Variants in NEK1 observed in about 807,000 individuals in gnomAD.
NEK1 encodes the protein NIMA related kinase 1.
Under a neutral mutation model 182.1 loss-of-function variants are expected in NEK1, and 137 were observed. That is an observed-to-expected ratio of 0.75 (90% CI 0.65 to 0.87). NEK1 has a LOEUF of 0.87. NEK1 is among the 40% of genes least tolerant of loss of function. The pLI is 0.00. For synonymous variants in NEK1, 513 were observed against 492.2 expected, an observed-to-expected ratio of 1.04 and a Z score of -0.56; for missense variants, 1,391 against 1,494.4, an observed-to-expected ratio of 0.93 and a Z score of 1.14.
intron 11 of NEK1, among the ~76,000 whole-genome samples, chr4:169,580,348 A>G (rs1286358905): frequency 6.6e-6 from 1 of 151,976 alleles, no homozygotes; most frequent in African/African-American, 2.4e-5. Context: ...AATACAAAAA[A>G]TTAGCTGGGC....
chr4:169,587,778 C>A (rs1364185672), intron 8 of NEK1, among the ~76,000 whole-genome samples, 165 bp from the exon 9 acceptor site: 1 of 151,806 alleles, frequency 6.6e-6, no homozygotes, highest in African/African-American at 2.4e-5. Flanking sequence ...GTAGCTGTCC[C>A]AGATTGGAAA....
intron 27 of NEK1, among the ~76,000 whole-genome samples, chr4:169,453,019 C>T (rs1411770400): frequency 6.6e-6 from 1 of 152,164 alleles, no homozygotes; most frequent in Admixed American, 6.5e-5. Context: ...ACACCATTAA[C>T]AGACACACAC....
chr4:169,409,207 C>G (rs185750440), intron 31 of NEK1, among the ~76,000 whole-genome samples: 1 of 151,934 alleles, frequency 6.6e-6, no homozygotes, highest in African/African-American at 2.4e-5. Flanking sequence ...TGCAGTGGCG[C>G]GATCTCGGCT....
intron 16 of NEK1, among the ~76,000 whole-genome samples, chr4:169,556,401 TCCAATATACA>T (rs1325890431): frequency 1.3e-5 from 2 of 152,256 alleles, no homozygotes; most frequent in East Asian, 3.9e-4. Context: ...GAAACAAGCT[TCCAATATACA>T]TTTCATGTAA....
chr4:169,569,496 A>G (rs1198249589), intron 12 of NEK1, among the ~76,000 whole-genome samples: 16 of 61,956 alleles, frequency 2.6e-4, no homozygotes, highest in African/African-American at 1.1e-3. Context: ...CCCTCTCCCC[A>G]TGGTCTCCCT....
chr4:169,437,437 G>C (rs1738622886), intron 28 of NEK1, among the ~76,000 whole-genome samples: 2 of 152,144 alleles, frequency 1.3e-5, no homozygotes, highest in African/African-American at 4.8e-5. Context: ...GGCAGATTTA[G>C]GACAGATGCA....
chr4:169,572,306 A>C (rs1292125547), intron 12 of NEK1, among the ~76,000 whole-genome samples: 1 of 152,232 alleles, frequency 6.6e-6, no homozygotes, highest in Non-Finnish European at 1.5e-5. Context: ...AATTGACAGG[A>C]TATGACGTAG....
At chr4:169,593,011 A>C (rs949731849) in intron 5 of NEK1, among the ~76,000 whole-genome samples, 5 of 152,218 alleles carry the variant, frequency 3.3e-5, no homozygotes, top group African/African-American at 9.6e-5. Context: ...GAAATGGAAC[A>C]CATCTTAGAA....
chr4:169,456,432 T>C (rs895520031), intron 27 of NEK1, among the ~76,000 whole-genome samples: 2 of 152,100 alleles, frequency 1.3e-5, no homozygotes, highest in Admixed American at 6.6e-5. Flanking sequence ...AGTTGGCTTT[T>C]TGAAAAGATG....
intron 23 of NEK1, among the ~76,000 whole-genome samples, chr4:169,497,298 CTTCT>C (rs1283240937): frequency 6.6e-6 from 1 of 151,928 alleles, no homozygotes; most frequent in East Asian, 1.9e-4. Flanking sequence ...TCTCTCTTTT[CTTCT>C]TTATTAGTCT....
At chr4:169,604,760 T>A (rs902961721) in intron 2 of NEK1, among the ~76,000 whole-genome samples, 2 of 152,198 alleles carry the variant, frequency 1.3e-5, no homozygotes, top group Non-Finnish European at 2.9e-5. Flanking sequence ...GTAGCACTGA[T>A]GAGATAAGTA....
At position 169,561,865 on chromosome 4, in the gene NEK1, T is replaced by C. The variant is rs1284969135; in HGVS notation, c.1107A>G (p.Glu369=). ...TTTGTTTCTTTTCTTTTTCAATAAA[T>C]TCCAGCCTTCTCTTTCTTGCTGCTT... ...SEEAARKRRL[E]FIEKEKKQKD... is the part of the protein sequence containing the mutation. Residue 369 remains glutamate, a synonymous_variant, in exon 14 of 36, where the codon GAA becomes GAG. Coordinates refer to ENST00000507142, the MANE Select transcript of NEK1 (RefSeq NM_001199397.3). 2.5e-6 allele frequency: 4 copies of C among 1,609,224 alleles called. No individual in the cohort carries two copies. Among genetic ancestry groups the C allele is most frequent in the Middle Eastern group, 1.7e-4 (1 of 6,026 alleles).
chr4:169,553,391 T>C (rs1761706611), intron 18 of NEK1, among the ~76,000 whole-genome samples: 1 of 151,974 alleles, frequency 6.6e-6, no homozygotes, highest in Admixed American at 6.6e-5. Flanking sequence ...GATAAAACAT[T>C]AAACTATAAA....
chr4:169,574,477 TAGTCCCAC>T (rs1012795662), intron 12 of NEK1, among the ~76,000 whole-genome samples: 1 of 151,956 alleles, frequency 6.6e-6, no homozygotes. Context: ...CGGGCGCCTG[TAGTCCCAC>T]AGTCCCAGCT....
chr4:169,479,489 C>T lies in NEK1; in HGVS notation c.2053G>A (p.Gly685Arg), dbSNP rs866331832. The T allele has an allele frequency of 8.7e-6, 14 of 1,610,766 alleles. No individual in the cohort carries two copies. The African/African-American group carries it at 1.6e-4, about 18-fold the overall frequency. ...VKSSDVSPPLGQHETGGSPSK... is the reference protein window; with the variant it reads ...VKSSDVSPPLRQHETGGSPSK... ...GGAGAGCCACCTGTTTCATGCTGTC[C>T]CAAAGGTGGAGAAACATCAGAACTC... The change falls in exon 24 of 36, where the codon GGA (glycine) becomes AGA (arginine). Residue 685 changes from glycine to arginine, a missense_variant. By Grantham distance (125) the Gly-to-Arg change is moderately radical (BLOSUM62 -2). Coordinates refer to ENST00000507142, the MANE Select transcript of NEK1 (RefSeq NM_001199397.3).
intron 23 of NEK1, among the ~76,000 whole-genome samples, chr4:169,498,474 T>C (rs1751786367): frequency 6.6e-6 from 1 of 152,226 alleles, no homozygotes; most frequent in Non-Finnish European, 1.5e-5. Context: ...TTTTGCTCAT[T>C]AGTTGATGCA....
At chr4:169,420,330 C>T (rs768322896) in intron 31 of NEK1, among the ~76,000 whole-genome samples, 21 of 152,258 alleles carry the variant, frequency 1.4e-4, no homozygotes, top group Non-Finnish European at 2.4e-4. Flanking sequence ...TCTTTTAATA[C>T]GTAGAACACT....
chr4:169,561,796 C>G (rs1028962179), intron 14 of NEK1, 36 bp downstream of exon 14: 2 of 1,603,534 alleles, frequency 1.2e-6, no homozygotes, highest in African/African-American at 2.7e-5. Context: ...CACTTAACAA[C>G]TTGCCAAAGG....
At chr4:169,483,873 A>C (rs1748566283) in intron 23 of NEK1, among the ~76,000 whole-genome samples, 1 of 151,598 alleles carries the variant, frequency 6.6e-6, no homozygotes. Flanking sequence ...CTCAAAAAAA[A>C]AAAAAAAAAA....
Sources: gnomAD v4.1 joint callset for allele counts (sites outside exome capture counted in the v4.1 genomes callset) on GRCh38, gnomAD v4.1.1 for gene constraint, MANE v1.5 for transcripts, NCBI Gene and HGNC (gene_info 2026-07-23, HGNC 2026-07-21) for gene names.